The following SLC17A3 variants were observed in gnomAD, a reference collection of about 807,000 sequenced individuals.
SLC17A3 encodes solute carrier family 17 member 3.
SLC17A3 carries 61 observed loss-of-function variants against 60.3 expected under a neutral mutation model. The observed-to-expected ratio is 1.01, with a 90% CI of 0.82 to 1.25. The LOEUF (loss-of-function observed/expected upper bound fraction) is 1.25. Among genes scored for constraint, SLC17A3 ranks in the 50% most tolerant of loss-of-function variants. The probability of loss-of-function intolerance (pLI) is 0.00; values close to 1 mark genes in which losing one functional copy is unlikely to be tolerated. For synonymous variants in SLC17A3, 192 were observed against 208.9 expected, an observed-to-expected ratio of 0.92 and a Z score of 0.70; for missense variants, 624 against 594.9, an observed-to-expected ratio of 1.05 and a Z score of -0.51.
chr6:25,855,293 T>C (rs1765340810), intron 5 of SLC17A3, 63 bp from the exon 6 acceptor site: 8 of 1,116,600 alleles, frequency 7.2e-6, no homozygotes, highest in Admixed American at 1.8e-5. Context: ...CACATACAAA[T>C]TGATAGATGA....
chr6:25,853,943 T>A (rs759719982), intron 6 of SLC17A3, among the ~76,000 whole-genome samples: 2 of 152,214 alleles, frequency 1.3e-5, no homozygotes, highest in Non-Finnish European at 2.9e-5. Context: ...TTAAAAACTT[T>A]CCCTCGTGTC....
chr6:25,861,853 G>A lies in SLC17A3; in HGVS notation c.480C>T (p.Ala160=), dbSNP rs763545856. 6.2e-7 allele frequency: 1 copy of A among 1,613,608 alleles called. No homozygotes were observed. The change falls in exon 4 of 13, where the codon GCC becomes GCT. Residue 160 remains alanine, a synonymous_variant. Coordinates refer to ENST00000397060, the MANE Select transcript of SLC17A3 (RefSeq NM_001098486.2). ...TGAGCAAGACTATTCCAAAGTCAGT[G>A]GCCAGAGGGATGCATAGAGTGAGAA... The part of the protein sequence containing the change: ...TSFLTLCIPL[A]TDFGIVLLIV...
intron 4 of SLC17A3, 29 bp downstream of exon 4, chr6:25,861,767 C>T (rs1351758499): frequency 1.9e-6 from 3 of 1,610,588 alleles, no homozygotes; most frequent in Non-Finnish European, 2.5e-6. Context: ...AAATTCATAT[C>T]CAACTCAGAT....
chr6:25,868,581 C>T, intron 1 of SLC17A3, 161 bp from the exon 2 acceptor site: 1 of 595,880 alleles, frequency 1.7e-6, no homozygotes, highest in Non-Finnish European at 3.0e-6. Flanking sequence ...AACAAGCATA[C>T]TGCACGTAAG....
At chr6:25,853,162 T>C (rs1236456769) in intron 6 of SLC17A3, among the ~76,000 whole-genome samples, 1 of 152,116 alleles carries the variant, frequency 6.6e-6, no homozygotes, top group Non-Finnish European at 1.5e-5. Flanking sequence ...TTTCTGTGAG[T>C]GTAGGCACCG....
chr6:25,862,406 CGAGG>C lies in SLC17A3; in HGVS notation c.126_129del (p.Leu43SerfsTer10), dbSNP rs765241486. The C allele has an allele frequency of 1.9e-6, 3 of 1,613,374 alleles. No individual in the cohort carries two copies. In the African/African-American group the frequency reaches 4.0e-5, roughly 22 times the overall value. ...GTTGTGAAATTGCAGAAATGTAAGACGAGGGCTATTCCATAGCGAGCAGAACATA... is the reference window on the plus strand; with the variant it reads ...GTTGTGAAATTGCAGAAATGTAAGACGCTATTCCATAGCGAGCAGAACATA... On this transcript the variant is annotated frameshift_variant, in exon 3 of 13. Coordinates refer to ENST00000397060, the MANE Select transcript of SLC17A3 (RefSeq NM_001098486.2). LOFTEE classifies it high-confidence loss of function.
intron 6 of SLC17A3, among the ~76,000 whole-genome samples, chr6:25,854,260 G>A (rs1467024354): frequency 3.3e-5 from 5 of 151,980 alleles, no homozygotes; most frequent in African/African-American, 9.7e-5. Context: ...CTTTAATTGT[G>A]GATTTGTTGA....
chr6:25,861,674 T>C lies in SLC17A3; in HGVS notation c.575A>G (p.Lys192Arg), dbSNP rs770048973. 1 of 1,613,944 alleles carries C rather than the reference T, an allele frequency of 6.2e-7. No individual in the cohort carries two copies. The highest frequency in any genetic ancestry group is 1.3e-5 in the African/African-American group (1 of 75,008). ...GCTTCGTTCTTGTGGAGGGCCCCAC[T>C]TTTCCCAAATTGCAAACTGACCCCC... Reference protein sequence around the residue: ...ILGGQFAIWEKWGPPQERSRL... With the variant: ...ILGGQFAIWERWGPPQERSRL... The change falls in exon 5 of 13, where the codon AAG (lysine) becomes AGG (arginine). Residue 192 changes from lysine (K) to arginine (R), a missense_variant. Coordinates refer to ENST00000397060, the MANE Select transcript of SLC17A3 (RefSeq NM_001098486.2).
chr6:25,848,586 T>C (rs758761116), intron 11 of SLC17A3, among the ~76,000 whole-genome samples: 1 of 152,138 alleles, frequency 6.6e-6, no homozygotes, highest in Non-Finnish European at 1.5e-5. Context: ...TCTCACCTTA[T>C]ACAAAAATCA....
chr6:25,869,767 C>G (rs1484936187), intron 1 of SLC17A3, among the ~76,000 whole-genome samples: 1 of 151,968 alleles, frequency 6.6e-6, no homozygotes, highest in Non-Finnish European at 1.5e-5. Context: ...TTATCTCCAC[C>G]TGGCCCCACC....
chr6:25,849,487 G>C (rs758881323), intron 10 of SLC17A3, 23 bp from the exon 11 acceptor site: 2 of 1,456,264 alleles, frequency 1.4e-6, no homozygotes, highest in Non-Finnish European at 9.6e-7. Context: ...GGAATGTTCC[G>C]GTCTAGATCC....
At chr6:25,850,315 C>G in intron 8 of SLC17A3, 138 bp from the exon 9 acceptor site, 1 of 1,312,778 alleles carries the variant, frequency 7.6e-7, no homozygotes. Flanking sequence ...AAATCATACC[C>G]CAGAAAAGCT....
At chr6:25,857,044 C>T (rs751391918) in intron 5 of SLC17A3, among the ~76,000 whole-genome samples, 164 of 151,690 alleles carry the variant, frequency 1.1e-3, no homozygotes, top group Non-Finnish European at 2.0e-3. Context: ...AAAAAATTAT[C>T]CAGACATGGT....
intron 5 of SLC17A3, among the ~76,000 whole-genome samples, chr6:25,856,360 C>T (rs147493466): frequency 1.1e-3 from 161 of 152,118 alleles, no homozygotes; most frequent in African/African-American, 3.6e-3. Flanking sequence ...CATCAACCTC[C>T]GAAGAAATGG....
chr6:25,845,355 C>G, intron 12 of SLC17A3, 25 bp downstream of exon 12: 1 of 1,613,454 alleles, frequency 6.2e-7, no homozygotes, highest in Non-Finnish European at 8.5e-7. Context: ...TGGCTATAAC[C>G]ATGCATAAAA....
At chr6:25,851,776 A>G (rs1240588886) in intron 6 of SLC17A3, among the ~76,000 whole-genome samples, 1 of 151,978 alleles carries the variant, frequency 6.6e-6, no homozygotes, top group African/African-American at 2.4e-5. Context: ...TGTCAATACC[A>G]CTCTGTCTTA....
intron 5 of SLC17A3, among the ~76,000 whole-genome samples, chr6:25,857,419 C>T (rs917696426): frequency 1.3e-5 from 2 of 151,356 alleles, no homozygotes; most frequent in Non-Finnish European, 2.9e-5. Context: ...TGCAATTATC[C>T]TCCCATCTTT....
At chr6:25,855,084 A>T in intron 6 of SLC17A3, 60 bp downstream of exon 6, 1 of 1,068,788 alleles carries the variant, frequency 9.4e-7, no homozygotes, top group Non-Finnish European at 1.5e-6. Context: ...CACAAAATAT[A>T]CTTACTGAGG....
chr6:25,862,013 C>G lies in SLC17A3; in HGVS notation c.320G>C (p.Trp107Ser). ...GATGATGCCTTGGATTTGAGGAGACCAGTCATACACAGGAGCCTTAGAGAA... is the reference window on the plus strand; with the variant it reads ...GATGATGCCTTGGATTTGAGGAGACGAGTCATACACAGGAGCCTTAGAGAA... The part of the protein sequence containing the change: ...SLPAKAPVYD[W>S]SPQIQGIIFG... The change falls in exon 4 of 13, where the codon TGG (tryptophan) becomes TCG (serine). Residue 107 changes from tryptophan (W) to serine (S), a missense_variant. Coordinates refer to ENST00000397060, the MANE Select transcript of SLC17A3 (RefSeq NM_001098486.2). 2 of 1,605,538 alleles carry G rather than the reference C, an allele frequency of 1.2e-6. No individual in the cohort carries two copies. Among genetic ancestry groups the G allele is most frequent in the Non-Finnish European group, 1.7e-6 (2 of 1,175,726 alleles).
Sources: allele counts gnomAD v4.1 joint callset (sites outside exome capture counted in the v4.1 genomes callset), GRCh38; gene constraint gnomAD v4.1.1; transcripts MANE v1.5; gene names NCBI Gene and HGNC (gene_info 2026-07-23, HGNC 2026-07-21).